The following SLC44A5 variants were observed in gnomAD, a reference collection of about 807,000 sequenced individuals.
SLC44A5 encodes the protein solute carrier family 44 member 5.
Under a neutral mutation model 101.8 loss-of-function variants are expected in SLC44A5, and 57 were observed. The ratio of observed to expected loss-of-function variants is 0.56; its 90% CI spans 0.45 to 0.70. The LOEUF is 0.70. Among genes scored for constraint, SLC44A5 ranks in the 30% least tolerant of loss-of-function variants. The probability of loss-of-function intolerance (pLI) is 0.00; values close to 1 mark genes in which losing one functional copy is unlikely to be tolerated. For missense variants in SLC44A5, 737 were observed against 853.1 expected (o/e 0.86, Z 1.70); for synonymous variants, 281 against 290.9 (o/e 0.97, Z 0.35).
chr1:75,677,253 A>G, the SLC44A5 span, among the ~76,000 whole-genome samples: 14 of 152,222 alleles, frequency 9.2e-5, no homozygotes, highest in Non-Finnish European at 1.5e-5. Flanking sequence ...AGAAGGGCTA[A>G]AAGTTTAACC....
chr1:75,494,658 C>T (rs931565804), intron 2 of SLC44A5, among the ~76,000 whole-genome samples: 1 of 152,096 alleles, frequency 6.6e-6, no homozygotes, highest in Non-Finnish European at 1.5e-5. Context: ...CTCTAGCCAC[C>T]TTTATCTGAC....
At chr1:75,341,059 A>G (rs917641193) in intron 3 of SLC44A5, among the ~76,000 whole-genome samples, 34 of 152,220 alleles carry the variant, frequency 2.2e-4, no homozygotes, top group Non-Finnish European at 4.3e-4. Context: ...AGTCCTATTA[A>G]TAATTCGTTC....
At chr1:75,599,944 A>C (rs1326744418) in intron 1 of SLC44A5, among the ~76,000 whole-genome samples, 1 of 152,192 alleles carries the variant, frequency 6.6e-6, no homozygotes, top group Non-Finnish European at 1.5e-5. Context: ...ATTGGATTTT[A>C]GGGATGTGAA....
intron 1 of SLC44A5, among the ~76,000 whole-genome samples, chr1:75,541,889 G>A (rs1671371736): frequency 6.6e-6 from 1 of 151,908 alleles, no homozygotes; most frequent in Admixed American, 6.6e-5. Context: ...TATGTTTTAT[G>A]TTTTGCTGCC....
chr1:75,387,888 A>G (rs1373487621), intron 3 of SLC44A5, among the ~76,000 whole-genome samples: 2 of 146,288 alleles, frequency 1.4e-5, no homozygotes, highest in Non-Finnish European at 3.0e-5. Flanking sequence ...GCCATAAAAA[A>G]TGATGAATTC....
intron 5 of SLC44A5, among the ~76,000 whole-genome samples, chr1:75,299,577 C>G (rs1179180081): frequency 6.6e-6 from 1 of 152,156 alleles, no homozygotes. Flanking sequence ...CTAATAATAA[C>G]ATATTAAAGT....
intron 6 of SLC44A5, among the ~76,000 whole-genome samples, chr1:75,271,497 T>TTTTGTGTGTGTGTG (rs1553152601): frequency 4.1e-5 from 6 of 146,304 alleles, no homozygotes; most frequent in South Asian, 4.4e-4. Context: ...TCTGCATGTT[T>TTTTGTGTGTGTGTG]TGTGTGTGTG....
At chr1:75,672,929 C>T in the SLC44A5 span, among the ~76,000 whole-genome samples, 1 of 152,122 alleles carries the variant, frequency 6.6e-6, no homozygotes, top group Non-Finnish European at 1.5e-5. Context: ...GAGAGCCCTT[C>T]AGCCCTGACT....
intron 1 of SLC44A5, among the ~76,000 whole-genome samples, chr1:75,590,744 G>A (rs1179077914): frequency 6.6e-6 from 1 of 152,148 alleles, no homozygotes; most frequent in Non-Finnish European, 1.5e-5. Context: ...GAAAGAGTGG[G>A]AAGGACTACA....
chr1:75,641,418 G>C, the SLC44A5 span: 1 of 1,110,284 alleles, frequency 9.0e-7, no homozygotes, highest in Non-Finnish European at 1.4e-6. Context: ...TTGCTTTGTG[G>C]AGAATAAGCA....
In SLC44A5 at chr1:75,273,920, C is replaced by G. The variant is rs562850044; in HGVS notation, c.260+1038G>C. 1.3e-4 allele frequency among the ~76,000 whole-genome samples: 20 copies of G among 152,196 alleles called. No homozygotes were observed. The South Asian group carries it at 3.3e-3, about 25-fold the overall frequency. On this transcript the variant is annotated intron_variant, in intron 6 of 23. Transcript: ENST00000370859. ...TGATATAGGAGGAGCCCCTCTTTCT[C>G]TATCTTTCGGAATAGTTTTAGTAGG... is the stretch of plus-strand genomic sequence containing the variant.
intron 18 of SLC44A5, 60 bp downstream of exon 18, chr1:75,217,806 T>TCCCCCAA: frequency 2.8e-6 from 3 of 1,078,086 alleles, no homozygotes; most frequent in Non-Finnish European, 1.4e-6. Context: ...TCATCAGGTC[T>TCCCCCAA]CCCCCAACCC....
At chr1:75,388,504 T>C (rs1661556771) in intron 3 of SLC44A5, among the ~76,000 whole-genome samples, 1 of 152,030 alleles carries the variant, frequency 6.6e-6, no homozygotes, top group Non-Finnish European at 1.5e-5. Context: ...ATATCGTCCA[T>C]GTGCAGTGGC....
Position 75,285,114 on chromosome 1 carries a change from C to T in SLC44A5, c.176-10072G>A, listed in dbSNP as rs146668255. 4.9e-3 allele frequency among the ~76,000 whole-genome samples: 743 copies of T among 151,760 alleles called. 5 individuals are homozygous for T. The highest frequency in any genetic ancestry group is 0.017 in the African/African-American group (714 of 41,474). The stretch of plus-strand genomic sequence containing the variant: ...TTCTTTGAATGTCTGATAGATTCAT[C>T]TGTGAATCTGTCTGGTCCTGGACTT... On this transcript the variant is annotated intron_variant, in intron 5 of 23. Transcript: ENST00000370859.
chr1:75,643,274 G>A, the SLC44A5 span, among the ~76,000 whole-genome samples: 2 of 151,976 alleles, frequency 1.3e-5, no homozygotes, highest in East Asian at 3.9e-4. Flanking sequence ...TCTCTTTAAT[G>A]TCAACCTCAA....
At chr1:75,322,567 C>T (rs899382806) in intron 4 of SLC44A5, among the ~76,000 whole-genome samples, 2 of 152,102 alleles carry the variant, frequency 1.3e-5, no homozygotes, top group African/African-American at 4.8e-5. Context: ...CAGAAGTACT[C>T]AGCAACCAGA....
At chr1:75,442,923 G>T (rs1449025893) in intron 2 of SLC44A5, among the ~76,000 whole-genome samples, 1 of 152,154 alleles carries the variant, frequency 6.6e-6, no homozygotes, top group Non-Finnish European at 1.5e-5. Context: ...CCATAAGTTG[G>T]ATATTTAAAG....
the SLC44A5 span, among the ~76,000 whole-genome samples, chr1:75,659,324 A>C: frequency 0.041 from 6,196 of 149,378 alleles, 167 homozygotes; most frequent in African/African-American, 0.086. Context: ...GAAAGAGAGA[A>C]AAGGAAAGAA....
chr1:75,592,145 A>G (rs1674390660), intron 1 of SLC44A5, among the ~76,000 whole-genome samples: 1 of 152,180 alleles, frequency 6.6e-6, no homozygotes, highest in Non-Finnish European at 1.5e-5. Context: ...AGACTCTATT[A>G]GAAAACTATT....
Sources: allele counts gnomAD v4.1 joint callset (sites outside exome capture counted in the v4.1 genomes callset), GRCh38; gene constraint gnomAD v4.1.1; transcripts MANE v1.5; gene names NCBI Gene and HGNC (gene_info 2026-07-23, HGNC 2026-07-21).